FOCAD: variants seen among roughly 807,000 people sequenced by gnomAD.
FOCAD encodes KIAA1797.
Under a neutral mutation model 225.6 loss-of-function variants are expected in FOCAD, and 198 were observed. That is an observed-to-expected ratio of 0.88 (90% CI 0.78 to 0.99). FOCAD has a LOEUF of 0.99. Ranked by LOEUF, FOCAD falls within the 50% of genes least tolerant of loss-of-function variation. FOCAD has a pLI of 0.00. For synonymous variants in FOCAD, 897 were observed against 755.0 expected, an observed-to-expected ratio of 1.19 and a Z score of -3.08; for missense variants, 2,713 against 2,123.6, an observed-to-expected ratio of 1.28 and a Z score of -5.46.
At chr9:20,754,373 C>T (rs1828848810) in intron 5 of FOCAD, among the ~76,000 whole-genome samples, 1 of 151,992 alleles carries the variant, frequency 6.6e-6, no homozygotes, top group Non-Finnish European at 1.5e-5. Flanking sequence ...CTATGTTTTC[C>T]AAAGGAATAA....
chr9:20,854,291 G>A (rs189254768), intron 15 of FOCAD, among the ~76,000 whole-genome samples: 2 of 151,742 alleles, frequency 1.3e-5, no homozygotes, highest in Non-Finnish European at 3.0e-5. Flanking sequence ...ATTCTTCTGA[G>A]GTTCACTATT....
intron 10 of FOCAD, chr9:20,787,071 A>G: frequency 2.8e-6 from 1 of 353,044 alleles, no homozygotes; most frequent in Non-Finnish European, 5.7e-6. Flanking sequence ...TGCTGCTCTA[A>G]CCTTAGGCAA....
intron 15 of FOCAD, among the ~76,000 whole-genome samples, chr9:20,856,302 G>T (rs1055589526): frequency 3.9e-5 from 6 of 151,940 alleles, no homozygotes; most frequent in African/African-American, 1.2e-4. Context: ...TAACTGTGGT[G>T]AGATAATATC....
chr9:20,840,886 G>C (rs1826454807), intron 15 of FOCAD, among the ~76,000 whole-genome samples: 1 of 151,990 alleles, frequency 6.6e-6, no homozygotes, highest in Non-Finnish European at 1.5e-5. Context: ...TTATGTTGAT[G>C]TATGTTCCTT....
chr9:20,982,363 G>C lies in FOCAD; in HGVS notation c.4645G>C (p.Asp1549His). ...DLLPNKIRRKDLELYISIAKC... is the reference protein window; with the variant it reads ...DLLPNKIRRKHLELYISIAKC... Reference sequence around the variant, plus strand: ...TGGGATTTTTCTTTATCAGAGAAAGGATCTAGAGCTGTATATCAGCATAGC... The same window carrying C: ...TGGGATTTTTCTTTATCAGAGAAAGCATCTAGAGCTGTATATCAGCATAGC... The change falls in exon 39 of 44, where the codon GAT becomes CAT. Residue 1549 changes from aspartate (D) to histidine (H), a missense_variant. By Grantham distance (81) the Asp-to-His change is moderately conservative. Transcript: ENST00000338382. 6.2e-7 allele frequency: 1 copy of C among 1,611,540 alleles called. No individual in the cohort carries two copies.
chr9:20,828,660 T>G lies in FOCAD; in HGVS notation c.1920+5545T>G, dbSNP rs1316416950. Among the ~76,000 whole-genome samples, 3 of 152,268 alleles carry G rather than the reference T, an allele frequency of 2.0e-5. No individual in the cohort carries two copies. In the East Asian group the frequency reaches 5.8e-4, roughly 29 times the overall value. On this transcript the variant is annotated intron_variant, in intron 15 of 43. Coordinates refer to ENST00000338382, the MANE Select transcript of FOCAD (RefSeq NM_001375567.1). ...TTTTTATTTTAAGTTCTGGGGTACA[T>G]GTGCAGGATATGCAGGTGTGTTACA...
chr9:20,667,772 A>G (rs1047771784), intron 2 of FOCAD, among the ~76,000 whole-genome samples: 1 of 152,240 alleles, frequency 6.6e-6, no homozygotes, highest in Non-Finnish European at 1.5e-5. Context: ...TTGGATTTCC[A>G]AAGAATTAAG....
At chr9:20,856,773 T>C (rs1029420751) in intron 15 of FOCAD, among the ~76,000 whole-genome samples, 6 of 152,056 alleles carry the variant, frequency 3.9e-5, no homozygotes, top group African/African-American at 1.4e-4. Context: ...TTATGTATGG[T>C]GAGAGATAGG....
intron 1 of FOCAD, among the ~76,000 whole-genome samples, chr9:20,685,604 G>C (rs1822616435): frequency 6.6e-6 from 1 of 152,036 alleles, no homozygotes; most frequent in African/African-American, 2.4e-5. Context: ...TACATACAAA[G>C]GTATGATATT....
intron 5 of FOCAD, among the ~76,000 whole-genome samples, chr9:20,747,627 C>T (rs1000048104): frequency 6.6e-6 from 1 of 152,122 alleles, no homozygotes; most frequent in African/African-American, 2.4e-5. Flanking sequence ...CTGGAAAACA[C>T]TACTATTTGT....
At chr9:20,776,393 G>A (rs984297162) in intron 8 of FOCAD, among the ~76,000 whole-genome samples, 7 of 152,150 alleles carry the variant, frequency 4.6e-5, no homozygotes, top group African/African-American at 1.7e-4. Context: ...TGTGCAAAGG[G>A]GATGTCTGAC....
chr9:20,887,131 G>C (rs1831163481), intron 21 of FOCAD, among the ~76,000 whole-genome samples: 1 of 152,024 alleles, frequency 6.6e-6, no homozygotes, highest in Non-Finnish European at 1.5e-5. Flanking sequence ...CAATCAATTT[G>C]GGATTTTTCC....
chr9:20,904,987 G>C (rs1191670516), intron 21 of FOCAD, among the ~76,000 whole-genome samples: 1 of 151,956 alleles, frequency 6.6e-6, no homozygotes, highest in Non-Finnish European at 1.5e-5. Flanking sequence ...GTTAAAAATG[G>C]TCAGGGAAGT....
chr9:20,861,503 A>T (rs1042019738), intron 15 of FOCAD, among the ~76,000 whole-genome samples: 5 of 152,204 alleles, frequency 3.3e-5, no homozygotes, highest in Non-Finnish European at 7.3e-5. Context: ...AGCATTTATT[A>T]TTCTACTGTT....
chr9:20,943,176 C>T (rs898209591), intron 28 of FOCAD, among the ~76,000 whole-genome samples: 2 of 152,156 alleles, frequency 1.3e-5, no homozygotes, highest in African/African-American at 4.8e-5. Flanking sequence ...GTCTCAAAAG[C>T]ATGTTCTATT....
intron 6 of FOCAD, among the ~76,000 whole-genome samples, chr9:20,763,994 G>C (rs1199212036): frequency 6.6e-6 from 1 of 152,124 alleles, no homozygotes; most frequent in Non-Finnish European, 1.5e-5. Context: ...CTTTATCCGT[G>C]TTATAAGGAT....
chr9:20,964,134 G>A (rs1839031337), intron 35 of FOCAD, among the ~76,000 whole-genome samples: 1 of 152,074 alleles, frequency 6.6e-6, no homozygotes, highest in Admixed American at 6.5e-5. Context: ...GGGAAGCTGA[G>A]GCAGGTAGAT....
intron 5 of FOCAD, 102 bp downstream of exon 5, chr9:20,740,442 A>G: frequency 3.0e-6 from 2 of 664,032 alleles, no homozygotes; most frequent in Non-Finnish European, 2.6e-6. Context: ...TTAATTCAGC[A>G]GGATATGCAC....
At chr9:20,986,548 T>A in intron 40 of FOCAD, 83 bp downstream of exon 40, 1 of 1,282,442 alleles carries the variant, frequency 7.8e-7, no homozygotes, top group Non-Finnish European at 1.0e-6. Context: ...GTTCTCAACT[T>A]AAAAATTAGT....
Sources: allele counts gnomAD v4.1 joint callset (sites outside exome capture counted in the v4.1 genomes callset), GRCh38; gene constraint gnomAD v4.1.1; transcripts MANE v1.5; gene names NCBI Gene and HGNC (gene_info 2026-07-23, HGNC 2026-07-21).